The following SAMTOR variants were observed in gnomAD, a reference collection of about 807,000 sequenced individuals.
SAMTOR encodes the protein UPF0532 protein C7orf60.
the SAMTOR span, among the ~76,000 whole-genome samples, chr7:112,857,964 G>A: frequency 6.6e-6 from 1 of 152,136 alleles, no homozygotes; most frequent in Non-Finnish European, 1.5e-5. Context: ...GATGTCCCCT[G>A]GGATGCACAA....
the SAMTOR span, chr7:112,939,347 T>G: frequency 1.7e-6 from 1 of 574,626 alleles, no homozygotes; most frequent in East Asian, 3.1e-5. Flanking sequence ...TTGGAGGGGG[T>G]GGGGACTCAA....
chr7:112,908,669 ATATG>A, the SAMTOR span, among the ~76,000 whole-genome samples: 1 of 152,220 alleles, frequency 6.6e-6, no homozygotes, highest in Non-Finnish European at 1.5e-5. Context: ...AAGGGTGGAT[ATATG>A]TACATATGCA....
At chr7:112,861,778 G>A in the SAMTOR span, among the ~76,000 whole-genome samples, 461 of 152,188 alleles carry the variant, frequency 3.0e-3, 2 homozygotes, top group African/African-American at 0.011. Flanking sequence ...ATTAGATTAC[G>A]AACATCTTCT....
chr7:112,902,479 G>C, the SAMTOR span, among the ~76,000 whole-genome samples: 2 of 144,942 alleles, frequency 1.4e-5, no homozygotes, highest in South Asian at 4.4e-4. Context: ...GTTGGTGGTT[G>C]CAGATGGGTG....
At chr7:112,882,677 G>T in the SAMTOR span, among the ~76,000 whole-genome samples, 1 of 148,868 alleles carries the variant, frequency 6.7e-6, no homozygotes, top group African/African-American at 2.5e-5. Flanking sequence ...AACAGAGCAA[G>T]ACTCTGTCTT....
the SAMTOR span, among the ~76,000 whole-genome samples, chr7:112,857,007 A>G: frequency 6.6e-6 from 1 of 152,152 alleles, no homozygotes; most frequent in African/African-American, 2.4e-5. Context: ...ATCTGAACAC[A>G]AAGTATTTAA....
At chr7:112,903,118 C>T in the SAMTOR span, among the ~76,000 whole-genome samples, 61 of 152,088 alleles carry the variant, frequency 4.0e-4, no homozygotes, top group Non-Finnish European at 8.1e-4. Context: ...GTTCAAGACC[C>T]GCCTGACCAA....
chr7:112,852,761 T>G, the SAMTOR span, among the ~76,000 whole-genome samples: 1 of 152,004 alleles, frequency 6.6e-6, no homozygotes, highest in African/African-American at 2.4e-5. Context: ...AAAATCTAAT[T>G]TGTCATGTTA....
At chr7:112,848,845 C>T in the SAMTOR span, among the ~76,000 whole-genome samples, 44 of 152,186 alleles carry the variant, frequency 2.9e-4, no homozygotes, top group African/African-American at 9.4e-4. Context: ...GTCAGGAGTT[C>T]GAGACCAGCC....
the SAMTOR span, among the ~76,000 whole-genome samples, chr7:112,845,262 G>A: frequency 6.6e-6 from 1 of 152,120 alleles, no homozygotes; most frequent in Non-Finnish European, 1.5e-5. Context: ...AAACTTAAAA[G>A]CTTCTGCACA....
At chr7:112,923,378 A>T in the SAMTOR span, among the ~76,000 whole-genome samples, 41 of 150,928 alleles carry the variant, frequency 2.7e-4, no homozygotes, top group African/African-American at 9.0e-4. Flanking sequence ...AAAACCAGAG[A>T]CCTTTGTTCA....
the SAMTOR span, among the ~76,000 whole-genome samples, chr7:112,893,000 A>C: frequency 9.4e-3 from 1,430 of 152,254 alleles, 20 homozygotes; most frequent in African/African-American, 0.032. Context: ...AATATTCCGT[A>C]AACTATTCTT....
chr7:112,878,014 T>C, the SAMTOR span, among the ~76,000 whole-genome samples: 10 of 152,174 alleles, frequency 6.6e-5, no homozygotes, highest in Admixed American at 1.3e-4. Context: ...AGGTTATAGA[T>C]AGCAATGTGA....
At chr7:112,885,721 T>C in the SAMTOR span, among the ~76,000 whole-genome samples, 1 of 152,154 alleles carries the variant, frequency 6.6e-6, no homozygotes, top group Non-Finnish European at 1.5e-5. Context: ...CCTTCAAGTC[T>C]CTTGGAAGTT....
chr7:112,926,632 T>C, the SAMTOR span, among the ~76,000 whole-genome samples: 6 of 152,196 alleles, frequency 3.9e-5, no homozygotes, highest in African/African-American at 1.4e-4. Flanking sequence ...TATACTTAAA[T>C]ATATAACTGA....
At chr7:112,822,188 A>T in the SAMTOR span, 1 of 1,613,840 alleles carries the variant, frequency 6.2e-7, no homozygotes, top group Non-Finnish European at 8.5e-7. Flanking sequence ...TCTTGCAGCA[A>T]ATCCATCGCT....
the SAMTOR span, among the ~76,000 whole-genome samples, chr7:112,891,096 TA>T: frequency 1.5e-4 from 23 of 151,830 alleles, no homozygotes; most frequent in Non-Finnish European, 2.8e-4. Flanking sequence ...AACAGAGCTA[TA>T]AAAAATATAT....
the SAMTOR span, among the ~76,000 whole-genome samples, chr7:112,898,466 C>A: frequency 0.59 from 90,089 of 152,024 alleles, 29,801 homozygotes; most frequent in East Asian, 0.9. Flanking sequence ...AGCCCAGCCA[C>A]AGTAAAACAA....
chr7:112,879,055 T>A, the SAMTOR span, among the ~76,000 whole-genome samples: 1 of 151,790 alleles, frequency 6.6e-6, no homozygotes, highest in East Asian at 1.9e-4. Context: ...GATATGTGTA[T>A]GGATTTAATT....
Sources: allele counts gnomAD v4.1 joint callset (sites outside exome capture counted in the v4.1 genomes callset), GRCh38; gene constraint gnomAD v4.1.1; transcripts MANE v1.5; gene names NCBI Gene and HGNC (gene_info 2026-07-23, HGNC 2026-07-21).